IPO7: variants seen among roughly 807,000 people sequenced by gnomAD.
IPO7 encodes importin 7, also known as importin-7.
A neutral mutation model predicts 136.4 loss-of-function variants in IPO7; 13 were observed. The ratio of observed to expected loss-of-function variants is 0.10; its 90% CI spans 0.06 to 0.15. The LOEUF is 0.15. Among genes scored for constraint, IPO7 ranks in the 10% least tolerant of loss-of-function variants. IPO7 has a pLI of 1.00. For synonymous variants in IPO7, 403 were observed against 404.4 expected, an observed-to-expected ratio of 1.00 and a Z score of 0.04; for missense variants, 857 against 1,240.6, an observed-to-expected ratio of 0.69 and a Z score of 4.65.
At chr11:9,402,676 A>G in intron 1 of IPO7, 1 of 152,654 alleles carries the variant, frequency 6.6e-6, no homozygotes, top group Non-Finnish European at 1.5e-5. Flanking sequence ...TGGCCAATAC[A>G]GTGAAACCCC....
chr11:9,429,202 G>A lies in IPO7; in HGVS notation c.1591+6G>A. ...GATCAGCAATCAAGAAAAAGGTAAAGGATTTTTGTATGTCAAGAAAAGTGA... is the reference window on the plus strand; with the variant it reads ...GATCAGCAATCAAGAAAAAGGTAAAAGATTTTTGTATGTCAAGAAAAGTGA... On this transcript the variant is annotated splice_donor_region_variant and intron_variant, in intron 14 of 24. Coordinates refer to ENST00000379719, the MANE Select transcript of IPO7 (RefSeq NM_006391.3). The A allele has an allele frequency of 6.2e-7, 1 of 1,610,818 alleles. No homozygotes were observed. Among genetic ancestry groups the A allele is most frequent in the Non-Finnish European group, 8.5e-7 (1 of 1,178,538 alleles).
At chr11:9,385,781 C>T (rs571509716) in intron 1 of IPO7, among the ~76,000 whole-genome samples, 2 of 152,228 alleles carry the variant, frequency 1.3e-5, no homozygotes, top group East Asian at 3.9e-4. Flanking sequence ...AGCTTAATTG[C>T]ATGAATATTT....
chr11:9,386,499 G>T (rs1218336334), intron 1 of IPO7, among the ~76,000 whole-genome samples: 1 of 152,110 alleles, frequency 6.6e-6, no homozygotes, highest in Non-Finnish European at 1.5e-5. Flanking sequence ...TTTAGTCATG[G>T]TCATTTCTAC....
chr11:9,397,385 G>T (rs1233997729), intron 1 of IPO7, among the ~76,000 whole-genome samples: 5 of 102,218 alleles, frequency 4.9e-5, no homozygotes, highest in African/African-American at 2.0e-4. Flanking sequence ...ACGGTGGCAG[G>T]TGCCTGTAAA....
intron 1 of IPO7, among the ~76,000 whole-genome samples, chr11:9,389,811 AG>A: frequency 6.6e-6 from 1 of 151,628 alleles, no homozygotes; most frequent in Non-Finnish European, 1.5e-5. Flanking sequence ...CCCAGGCTAG[AG>A]TGCATTGGTG....
At chr11:9,430,823 C>T in intron 15 of IPO7, 52 bp from the exon 16 acceptor site, 1 of 1,551,068 alleles carries the variant, frequency 6.4e-7, no homozygotes, top group Non-Finnish European at 8.9e-7. Flanking sequence ...TAGACCAAAA[C>T]ATATTTATAA....
intron 12 of IPO7, among the ~76,000 whole-genome samples, chr11:9,425,910 G>C (rs1855199044): frequency 1.3e-5 from 2 of 151,600 alleles, no homozygotes; most frequent in African/African-American, 4.8e-5. Flanking sequence ...GCTGGGCATG[G>C]TGGTGGGCAC....
chr11:9,445,680 A>G lies in IPO7; in HGVS notation c.*486A>G, dbSNP rs938383256. 6.5e-6 allele frequency: 1 copy of G among 153,552 alleles called. No homozygotes were observed. The highest frequency in any genetic ancestry group is 1.5e-5 in the Non-Finnish European group (1 of 68,932). The allele number at this position is 153,552 out of a possible 1,614,324, so 9.5% of individuals were successfully genotyped here. ...TATCTATTCTTTATATGTAAATAAGATAAGGTCATCTGATAGCCTTATTCA... is the reference window on the plus strand; with the variant it reads ...TATCTATTCTTTATATGTAAATAAGGTAAGGTCATCTGATAGCCTTATTCA... On this transcript the variant is annotated 3_prime_UTR_variant, in exon 25 of 25. Transcript: ENST00000379719.
At position 9,420,433 on chromosome 11, in the gene IPO7, A is replaced by G; in HGVS notation, c.749A>G (p.Asp250Gly). 1.9e-6 allele frequency: 3 copies of G among 1,610,674 alleles called. No homozygotes were observed. Among genetic ancestry groups the G allele is most frequent in the Non-Finnish European group, 2.5e-6 (3 of 1,178,438 alleles). Residue 250 changes from aspartate to glycine, a missense_variant, in exon 7 of 25, where the codon GAT (aspartate) becomes GGT (glycine). This residue lies in a region of IPO7 where 287 missense variants were observed against 307.5 expected (regional missense o/e 0.93). Transcript: ENST00000379719. ...VPNETLQVEEDDRPELPWWKC... is the reference protein window; with the variant it reads ...VPNETLQVEEGDRPELPWWKC... ...AAGGAAACACTTCAAGTTGAAGAAG[A>G]TGATCGACCTGAGTTACCATGGTGG...
rs373882515 is a variant in IPO7, at chr11:9,400,616, A to G, written c.85-2674A>G. On this transcript the variant is annotated intron_variant, in intron 1 of 24. Transcript: ENST00000379719. ...TTTTTGTATTTTTAGTACAGACGGGATTTCACTGTGTTAGCCAGGATGGTC... is the reference window on the plus strand; with the variant it reads ...TTTTTGTATTTTTAGTACAGACGGGGTTTCACTGTGTTAGCCAGGATGGTC... Among the ~76,000 whole-genome samples, 1,134 of 151,538 alleles carry G rather than the reference A, an allele frequency of 7.5e-3. 17 individuals are homozygous for G. The highest frequency in any genetic ancestry group is 0.025 in the African/African-American group (1,054 of 41,344).
At chr11:9,406,475 G>C (rs11042337) in intron 2 of IPO7, among the ~76,000 whole-genome samples, 4 of 152,072 alleles carry the variant, frequency 2.6e-5, no homozygotes, top group Non-Finnish European at 5.9e-5. Context: ...ATGTGTATTA[G>C]AAAAACAAAT....
intron 22 of IPO7, 45 bp downstream of exon 22, chr11:9,438,330 A>G: frequency 1.6e-6 from 2 of 1,241,352 alleles, no homozygotes; most frequent in Non-Finnish European, 2.4e-6. Context: ...TCTACTTAGA[A>G]ATATTACCGC....
At chr11:9,442,027 C>A in intron 23 of IPO7, 54 bp from the exon 24 acceptor site, 1 of 825,374 alleles carries the variant, frequency 1.2e-6, no homozygotes, top group Non-Finnish European at 2.1e-6. Flanking sequence ...TAGAACGGAG[C>A]TACCAAGCCT....
chr11:9,403,761 CA>C (rs1284280898), intron 2 of IPO7, among the ~76,000 whole-genome samples: 7 of 152,218 alleles, frequency 4.6e-5, no homozygotes, highest in Non-Finnish European at 8.8e-5. Flanking sequence ...TCCTGTTCAA[CA>C]TATTGAGCCA....
At chr11:9,420,764 A>G in intron 8 of IPO7, 66 bp downstream of exon 8, 3 of 1,097,042 alleles carry the variant, frequency 2.7e-6, no homozygotes. Context: ...TATATTGCTT[A>G]TTCCCAGTTT....
intron 8 of IPO7, among the ~76,000 whole-genome samples, chr11:9,421,066 C>T (rs1178176466): frequency 2.6e-5 from 4 of 152,030 alleles, no homozygotes; most frequent in Non-Finnish European, 5.9e-5. Flanking sequence ...TCAAGCGATT[C>T]TCCTGCCTCA....
At chr11:9,388,419 C>A (rs1854582194) in intron 1 of IPO7, among the ~76,000 whole-genome samples, 6 of 151,944 alleles carry the variant, frequency 3.9e-5, no homozygotes, top group Admixed American at 1.3e-4. Context: ...TTGTGATCCG[C>A]CCACCTCGGC....
In IPO7 at chr11:9,417,742, C is replaced by CA. The variant is rs112908717; in HGVS notation, c.726+594_726+595insA. Among the ~76,000 whole-genome samples, 1,147 of 146,012 alleles carry CA rather than the reference C, an allele frequency of 7.9e-3. 16 individuals are homozygous for CA. Among genetic ancestry groups the CA allele is most frequent in the African/African-American group, 0.027 (1,066 of 39,692 alleles). On this transcript the variant is annotated intron_variant, in intron 6 of 24. Coordinates refer to ENST00000379719, the MANE Select transcript of IPO7 (RefSeq NM_006391.3). ...TTTTTTTTTTTTTAAGCTGAAGTTT[C>CA]GCTCTTGTTGCCTAGGCTGGAGTGC...
chr11:9,389,552 A>G (rs1442093996), intron 1 of IPO7, among the ~76,000 whole-genome samples: 3 of 152,298 alleles, frequency 2.0e-5, no homozygotes, highest in East Asian at 1.9e-4. Context: ...GGTCAGTACT[A>G]TAATAAAGCT....
Sources: gnomAD v4.1 joint callset for allele counts (sites outside exome capture counted in the v4.1 genomes callset) on GRCh38, gnomAD v4.1.1 for gene constraint, gnomAD v4.1.1 regional missense constraint, MANE v1.5 for transcripts, NCBI Gene and HGNC (gene_info 2026-07-23, HGNC 2026-07-21) for gene names.